Variants in ABLIM1 observed in about 807,000 individuals in gnomAD.
ABLIM1 encodes the protein actin binding LIM protein 1, also known as actin-binding LIM protein 1.
In ABLIM1, 40 loss-of-function variants were observed where a neutral mutation model predicts 107.0. The observed-to-expected ratio is 0.37, with a 90% CI of 0.29 to 0.49. The LOEUF is 0.49. Ranked by LOEUF, ABLIM1 falls within the 20% of genes least tolerant of loss-of-function variation. ABLIM1 has a pLI of 0.97. For missense variants in ABLIM1, 857 were observed against 1,008.5 expected, an observed-to-expected ratio of 0.85 and a Z score of 2.04; for synonymous variants, 357 against 357.3, an observed-to-expected ratio of 1.00 and a Z score of 0.01.
chr10:114,497,454 C>A (rs1219569588), intron 6 of ABLIM1, among the ~76,000 whole-genome samples: 2 of 151,082 alleles, frequency 1.3e-5, no homozygotes, highest in African/African-American at 2.4e-5. Flanking sequence ...CCGAGGCGGG[C>A]AGATCACGAG....
intron 8 of ABLIM1, among the ~76,000 whole-genome samples, chr10:114,474,890 G>T (rs865862201): frequency 5.3e-5 from 8 of 152,256 alleles, no homozygotes; most frequent in Admixed American, 2.0e-4. Context: ...CGAGACTGAT[G>T]ATTTTATAAA....
chr10:114,476,175 C>A (rs1195172275), intron 8 of ABLIM1, among the ~76,000 whole-genome samples: 1 of 152,196 alleles, frequency 6.6e-6, no homozygotes, highest in Non-Finnish European at 1.5e-5. Context: ...GGAGAAATCA[C>A]ACCACACCCA....
upstream of ABLIM1, among the ~76,000 whole-genome samples, chr10:114,769,249 G>A (rs916243949): frequency 6.7e-6 from 1 of 149,838 alleles, no homozygotes; most frequent in Non-Finnish European, 1.5e-5. Flanking sequence ...TACTCGGGAG[G>A]TTGAGGTATG....
At chr10:114,690,428 A>G in intron 1 of ABLIM1, 1 of 1,604,334 alleles carries the variant, frequency 6.2e-7, no homozygotes. Flanking sequence ...CACCAGTGCC[A>G]TTATGGCGTG....
At chr10:114,748,012 C>A (rs879535781) in intron 1 of ABLIM1, among the ~76,000 whole-genome samples, 8 of 152,090 alleles carry the variant, frequency 5.3e-5, no homozygotes, top group Non-Finnish European at 1.2e-4. Flanking sequence ...CGCACTCCAG[C>A]CTGGGTGATA....
intron 2 of ABLIM1, among the ~76,000 whole-genome samples, chr10:114,582,402 G>A (rs151311645): frequency 0.019 from 2,929 of 152,226 alleles, 34 homozygotes; most frequent in Non-Finnish European, 0.026. Flanking sequence ...TCATGGATTG[G>A]AAGAACCAAA....
At chr10:114,438,851 C>G (rs1401785330) in intron 21 of ABLIM1, among the ~76,000 whole-genome samples, 1 of 152,196 alleles carries the variant, frequency 6.6e-6, no homozygotes, top group Admixed American at 6.5e-5. Context: ...ACAGGGTTGC[C>G]TCACCTACAT....
intron 1 of ABLIM1, among the ~76,000 whole-genome samples, chr10:114,621,737 A>G (rs1441597350): frequency 6.6e-6 from 1 of 152,120 alleles, no homozygotes; most frequent in Non-Finnish European, 1.5e-5. Context: ...CTGCTAACCC[A>G]TTCATCCACT....
intron 12 of ABLIM1, among the ~76,000 whole-genome samples, chr10:114,455,144 A>G (rs1589845844): frequency 6.6e-6 from 1 of 151,808 alleles, no homozygotes; most frequent in Non-Finnish European, 1.5e-5. Context: ...ATGTCTCAGC[A>G]TGTACATTTT....
At chr10:114,490,344 C>A (rs1267614686) in intron 7 of ABLIM1, among the ~76,000 whole-genome samples, 1 of 152,084 alleles carries the variant, frequency 6.6e-6, no homozygotes, top group African/African-American at 2.4e-5. Flanking sequence ...TTGTCAATTT[C>A]TCATGTAGCT....
intron 11 of ABLIM1, among the ~76,000 whole-genome samples, chr10:114,466,242 C>T (rs968480398): frequency 2.6e-5 from 4 of 151,870 alleles, no homozygotes; most frequent in Non-Finnish European, 5.9e-5. Context: ...CTCAGGAGTT[C>T]GAGGCTGCAG....
At position 114,487,410 on chromosome 10, in the gene ABLIM1, A is replaced by G. The variant is rs563369250; in HGVS notation, c.1041+548T>C. 8.5e-5 allele frequency among the ~76,000 whole-genome samples: 13 copies of G among 152,356 alleles called. No individual in the cohort carries two copies. In the East Asian group the frequency reaches 2.5e-3, roughly 29 times the overall value. ...AACTGTGTACAGCGCTTTGCTTCTGAAACATAAAATACTGCCATCTGGAGG... is the reference window on the plus strand; with the variant it reads ...AACTGTGTACAGCGCTTTGCTTCTGGAACATAAAATACTGCCATCTGGAGG... On this transcript the variant is annotated intron_variant, in intron 8 of 22. Transcript: ENST00000533213.
intron 6 of ABLIM1, among the ~76,000 whole-genome samples, chr10:114,500,650 G>A (rs148063285): frequency 0.015 from 2,129 of 139,846 alleles, 50 homozygotes; most frequent in African/African-American, 0.054. Flanking sequence ...CTGCACTCCA[G>A]CCCAGGTGAC....
rs369255315 is a variant in ABLIM1 at position 114,434,063 on chromosome 10, A to C, written c.*2197T>G. On this transcript the variant is annotated 3_prime_UTR_variant, in exon 23 of 23. Coordinates refer to ENST00000533213, the MANE Select transcript of ABLIM1 (RefSeq NM_002313.7). ...TCCATCCCCACACTTTCCAGAGTAA[A>C]GCAAGGATGAGGACACCCAGGCATT... 1.3e-4 allele frequency: 20 copies of C among 152,244 alleles called. No individual in the cohort carries two copies. The highest frequency in any genetic ancestry group is 4.8e-4 in the African/African-American group (20 of 41,446). The allele number at this position is 152,244 out of a possible 1,614,324, so 9.4% of individuals were successfully genotyped here.
upstream of ABLIM1, among the ~76,000 whole-genome samples, chr10:114,661,474 G>T (rs1255360934): frequency 6.6e-6 from 1 of 152,200 alleles, no homozygotes; most frequent in Non-Finnish European, 1.5e-5. Flanking sequence ...AGTGGTATCT[G>T]CCTGACAGCA....
intron 1 of ABLIM1, among the ~76,000 whole-genome samples, chr10:114,694,949 A>C (rs2081164929): frequency 6.6e-6 from 1 of 152,182 alleles, no homozygotes; most frequent in African/African-American, 2.4e-5. Context: ...GAAATGCAGA[A>C]TGTCAGCACC....
chr10:114,469,313 C>T (rs2065979458), intron 10 of ABLIM1, among the ~76,000 whole-genome samples: 1 of 152,160 alleles, frequency 6.6e-6, no homozygotes. Context: ...CCTGCCTTGG[C>T]TGCATCGCCA....
At chr10:114,439,780 CTG>C (rs764141114) in intron 20 of ABLIM1, 253 of 445,050 alleles carry the variant, frequency 5.7e-4, no homozygotes, top group Non-Finnish European at 8.5e-4. Context: ...AGAAGAAAAA[CTG>C]TATATGAGCA....
chr10:114,481,042 G>A (rs879939050), intron 8 of ABLIM1, among the ~76,000 whole-genome samples: 2 of 152,014 alleles, frequency 1.3e-5, no homozygotes, highest in Non-Finnish European at 2.9e-5. Context: ...CCTTGATTTT[G>A]TCCATCTGTC....
Sources: gnomAD v4.1 joint callset for allele counts (sites outside exome capture counted in the v4.1 genomes callset) on GRCh38, gnomAD v4.1.1 for gene constraint, MANE v1.5 for transcripts, NCBI Gene and HGNC (gene_info 2026-07-23, HGNC 2026-07-21) for gene names.